Variants in USP34 observed in about 807,000 individuals in gnomAD.
USP34 encodes the protein ubiquitin carboxyl-terminal hydrolase 34.
Under a neutral mutation model 460.3 loss-of-function variants are expected in USP34, and 70 were observed. The observed-to-expected ratio is 0.15, with a 90% CI of 0.13 to 0.19. USP34 has a LOEUF of 0.19. Among genes scored for constraint, USP34 ranks in the 10% least tolerant of loss-of-function variants. The pLI, the probability that USP34 is intolerant of heterozygous loss-of-function variation, is 1.00. For synonymous variants in USP34, 1,647 were observed against 1,405.3 expected (o/e 1.17, Z -3.85); for missense variants, 3,985 against 4,236.2 (o/e 0.94, Z 1.65).
intron 51 of USP34, 131 bp downstream of exon 51, chr2:61,245,079 A>T: frequency 1.6e-6 from 1 of 612,682 alleles, no homozygotes; most frequent in Non-Finnish European, 2.8e-6. Context: ...TCCAATAAAT[A>T]TAAACTGAAT....
intron 1 of USP34, among the ~76,000 whole-genome samples, chr2:61,445,654 T>A (rs2104041382): frequency 1.3e-5 from 2 of 149,738 alleles, no homozygotes; most frequent in Admixed American, 6.7e-5. Context: ...ATAAACTGTA[T>A]AAAATAATAA....
intron 10 of USP34, among the ~76,000 whole-genome samples, chr2:61,361,372 TGA>T (rs768599561): frequency 3.3e-5 from 5 of 152,166 alleles, no homozygotes; most frequent in Non-Finnish European, 7.4e-5. Context: ...CAATGAGCTG[TGA>T]CTGAACCACT....
chr2:61,368,205 G>A (rs1005768707), intron 10 of USP34, among the ~76,000 whole-genome samples: 17 of 152,114 alleles, frequency 1.1e-4, no homozygotes, highest in Non-Finnish European at 1.8e-4. Flanking sequence ...AGGCCAAGGC[G>A]GAAGGATTAT....
chr2:61,413,718 C>A (rs867985533), intron 2 of USP34, among the ~76,000 whole-genome samples: 5 of 145,168 alleles, frequency 3.4e-5, no homozygotes, highest in Non-Finnish European at 7.5e-5. Flanking sequence ...TGGCTCACGC[C>A]TGTAATCCTA....
In USP34 at chr2:61,190,330, G is replaced by A; in HGVS notation, c.9814C>T (p.Leu3272=). 1 of 1,613,796 alleles carries A rather than the reference G, an allele frequency of 6.2e-7. No homozygotes were observed. Among genetic ancestry groups the A allele is most frequent in the Non-Finnish European group, 8.5e-7 (1 of 1,179,920 alleles). ...ITNLISQYQN[L]QSDFSNRVEI... is the part of the protein sequence containing the mutation. The stretch of plus-strand genomic sequence containing the variant: ...ACTCGGTTGGAGAAATCAGACTGTA[G>A]GTTCTGATACTGGCTTATCAAGTTT... Residue 3272 remains leucine, a synonymous_variant, in exon 78 of 80, where the codon CTA becomes TTA. Coordinates refer to ENST00000398571, the MANE Select transcript of USP34 (RefSeq NM_014709.4).
At chr2:61,355,957 T>C (rs188500248) in intron 10 of USP34, among the ~76,000 whole-genome samples, 2 of 152,146 alleles carry the variant, frequency 1.3e-5, no homozygotes, top group African/African-American at 2.4e-5. Flanking sequence ...GGGTTGGCTA[T>C]ACTAACATCA....
chr2:61,320,425 C>T (rs1690880409), intron 21 of USP34, among the ~76,000 whole-genome samples: 1 of 152,146 alleles, frequency 6.6e-6, no homozygotes, highest in South Asian at 2.1e-4. Flanking sequence ...AACCAGGGTA[C>T]CCAGAGAAAA....
intron 75 of USP34, chr2:61,194,151 C>G: frequency 5.1e-6 from 5 of 985,448 alleles, no homozygotes; most frequent in Non-Finnish European, 6.0e-6. Context: ...TCAGGTCACT[C>G]ACTCAGAACT....
intron 53 of USP34, among the ~76,000 whole-genome samples, chr2:61,237,529 G>T (rs1055866557): frequency 2.9e-5 from 3 of 103,934 alleles, no homozygotes; most frequent in Non-Finnish European, 6.1e-5. Flanking sequence ...CTGTATCTAT[G>T]TATGTGTATA....
intron 75 of USP34, among the ~76,000 whole-genome samples, chr2:61,194,379 A>G (rs1167945213): frequency 6.6e-6 from 1 of 152,254 alleles, no homozygotes; most frequent in Non-Finnish European, 1.5e-5. Context: ...GAGAGTTCCT[A>G]CGTTCCCATG....
At chr2:61,244,024 C>T (rs1177525190) in intron 51 of USP34, among the ~76,000 whole-genome samples, 1 of 151,788 alleles carries the variant, frequency 6.6e-6, no homozygotes, top group African/African-American at 2.4e-5. Flanking sequence ...GCAGAGTAGA[C>T]AAGAACACCG....
chr2:61,426,540 G>A (rs1694516629), intron 1 of USP34, among the ~76,000 whole-genome samples: 1 of 152,014 alleles, frequency 6.6e-6, no homozygotes, highest in African/African-American at 2.4e-5. Context: ...CAGTCCTGTG[G>A]TTTGAATGCC....
At chr2:61,342,092 AAC>A (rs779882205) in intron 16 of USP34, among the ~76,000 whole-genome samples, 3 of 152,056 alleles carry the variant, frequency 2.0e-5, no homozygotes, top group Non-Finnish European at 4.4e-5. Context: ...ATAATGGACT[AAC>A]ACACAGTTCT....
At chr2:61,222,480 A>G (rs1215602650) in intron 65 of USP34, 139 bp downstream of exon 65, 1 of 641,384 alleles carries the variant, frequency 1.6e-6, no homozygotes, top group Non-Finnish European at 2.7e-6. Context: ...TTTTATTCAC[A>G]TTATACACTT....
At chr2:61,302,852 T>C (rs905727040) in intron 27 of USP34, among the ~76,000 whole-genome samples, 2 of 152,226 alleles carry the variant, frequency 1.3e-5, no homozygotes, top group Admixed American at 6.5e-5. Flanking sequence ...CCAGAACTTA[T>C]AATATTGCTT....
rs764948025 is a variant in USP34, at chr2:61,350,386, G to A, written c.1381C>T (p.Leu461=). ...TTAATTAACATGGATGCCAAGTACA[G>A]TGTCTAAAAAAAAGAGGGAGAGATT... ...LEPSVHTEQT[L]YLASMLIKAL... is the part of the protein sequence containing the mutation. The change falls in exon 12 of 80, where the codon CTG becomes TTG. Residue 461 remains leucine (L), a synonymous_variant. Transcript: ENST00000398571. 1.2e-6 allele frequency: 2 copies of A among 1,606,122 alleles called. No individual in the cohort carries two copies. Among genetic ancestry groups the A allele is most frequent in the Non-Finnish European group, 1.7e-6 (2 of 1,177,332 alleles).
intron 1 of USP34, among the ~76,000 whole-genome samples, chr2:61,425,032 C>A (rs1410962183): frequency 6.6e-6 from 1 of 152,084 alleles, no homozygotes; most frequent in East Asian, 1.9e-4. Flanking sequence ...GTTGGCCAGG[C>A]TGGTCTCAAA....
intron 10 of USP34, among the ~76,000 whole-genome samples, chr2:61,365,720 T>C (rs1051421873): frequency 6.6e-6 from 1 of 152,154 alleles, no homozygotes; most frequent in Non-Finnish European, 1.5e-5. Flanking sequence ...ATTACGGTTA[T>C]AGTATATAAT....
chr2:61,356,594 G>A (rs1692114652), intron 10 of USP34, among the ~76,000 whole-genome samples: 1 of 152,148 alleles, frequency 6.6e-6, no homozygotes, highest in Non-Finnish European at 1.5e-5. Flanking sequence ...ATTAGGCTAA[G>A]TGAAATAAGC....
Sources: gnomAD v4.1 joint callset for allele counts (sites outside exome capture counted in the v4.1 genomes callset) on GRCh38, gnomAD v4.1.1 for gene constraint, MANE v1.5 for transcripts, NCBI Gene and HGNC (gene_info 2026-07-23, HGNC 2026-07-21) for gene names.